Variants in XRN2 observed in about 807,000 individuals in gnomAD.
XRN2 encodes DHM1-like protein.
XRN2 carries 44 observed loss-of-function variants against 138.5 expected under a neutral mutation model. That is an observed-to-expected ratio of 0.32 (90% CI 0.25 to 0.41). The LOEUF is 0.41. Ranked by LOEUF, XRN2 falls within the 10% of genes least tolerant of loss-of-function variation. The pLI is 1.00. For synonymous variants in XRN2, 354 were observed against 369.4 expected, an observed-to-expected ratio of 0.96 and a Z score of 0.48; for missense variants, 937 against 1,169.3, an observed-to-expected ratio of 0.80 and a Z score of 2.90.
At chr20:21,375,931 C>T (rs374845648) in intron 27 of XRN2, among the ~76,000 whole-genome samples, 1 of 151,840 alleles carries the variant, frequency 6.6e-6, no homozygotes, top group Non-Finnish European at 1.5e-5. Flanking sequence ...CTCCGCCTCC[C>T]GGGTTCATGC....
At chr20:21,354,326 A>C (rs74436459) in intron 20 of XRN2, among the ~76,000 whole-genome samples, 2 of 152,170 alleles carry the variant, frequency 1.3e-5, no homozygotes, top group Non-Finnish European at 2.9e-5. Context: ...AGATCTATGC[A>C]TTTTGGTTGA....
chr20:21,320,314 T>TTTA (rs2038021556), intron 1 of XRN2, among the ~76,000 whole-genome samples: 1 of 151,870 alleles, frequency 6.6e-6, no homozygotes, highest in Non-Finnish European at 1.5e-5. Context: ...TATTTATTTA[T>TTTA]TTTGAGACGG....
Position 21,389,450 on chromosome 20 carries a change from T to A in XRN2, c.*112T>A, listed in dbSNP as rs2038966827. On this transcript the variant is annotated 3_prime_UTR_variant, in exon 30 of 30. Coordinates refer to ENST00000377191, the MANE Select transcript of XRN2 (RefSeq NM_012255.5). ...TAATAAAACTACAGTACTTTGTGTA[T>A]TTCTTTTAACTGTGTATATTTCTAC... 1.0e-6 allele frequency: 1 copy of A among 988,814 alleles called. No homozygotes were observed. Among genetic ancestry groups the A allele is most frequent in the African/African-American group, 1.6e-5 (1 of 60,942 alleles). The allele number at this position is 988,814 out of a possible 1,614,324, so 61.3% of individuals were successfully genotyped here.
At chr20:21,340,696 T>G in intron 14 of XRN2, 25 bp from the exon 15 acceptor site, 1 of 1,605,420 alleles carries the variant, frequency 6.2e-7, no homozygotes, top group Non-Finnish European at 8.5e-7. Context: ...AATTTTAATT[T>G]CTACATTCAT....
At chr20:21,372,080 T>G (rs1007935082) in intron 27 of XRN2, among the ~76,000 whole-genome samples, 13 of 152,250 alleles carry the variant, frequency 8.5e-5, no homozygotes, top group African/African-American at 2.9e-4. Context: ...TTTATTTCAG[T>G]TACGTCATGA....
chr20:21,385,033 A>T (rs763719930), intron 28 of XRN2, among the ~76,000 whole-genome samples: 1 of 152,198 alleles, frequency 6.6e-6, no homozygotes, highest in Non-Finnish European at 1.5e-5. Context: ...GATTTTTTTC[A>T]TAAAAATTAT....
chr20:21,303,615 C>G lies in XRN2; in HGVS notation c.75+142C>G, dbSNP rs1243897083. 4.4e-6 allele frequency: 6 copies of G among 1,369,886 alleles called. No individual in the cohort carries two copies. The African/African-American group carries it at 9.3e-5, about 21-fold the overall frequency. The allele number at this position is 1,369,886 out of a possible 1,614,324, so 84.9% of individuals were successfully genotyped here. A position where few individuals can be genotyped will look rare whatever the true frequency, so the allele number is the denominator to read the frequency against. On this transcript the variant is annotated intron_variant, in intron 1 of 29. Coordinates refer to ENST00000377191, the MANE Select transcript of XRN2 (RefSeq NM_012255.5). Reference sequence around the variant, plus strand: ...TGCCAGCCTCGCGAGCAGTCGCAGCCCCACACGCGATGGGACGCGGGCTGT... The same window carrying G: ...TGCCAGCCTCGCGAGCAGTCGCAGCGCCACACGCGATGGGACGCGGGCTGT...
chr20:21,328,376 G>A (rs1030492787), intron 3 of XRN2, among the ~76,000 whole-genome samples, 183 bp from the exon 4 acceptor site: 6 of 152,198 alleles, frequency 3.9e-5, no homozygotes, highest in African/African-American at 1.4e-4. Context: ...CAGCTTTTGG[G>A]TTCTCGGTCC....
intron 24 of XRN2, among the ~76,000 whole-genome samples, chr20:21,364,832 T>A (rs1462362757): frequency 1.3e-5 from 2 of 151,644 alleles, no homozygotes; most frequent in African/African-American, 4.8e-5. Flanking sequence ...CATATTTGTG[T>A]AGTTTTCAAA....
chr20:21,374,042 A>G (rs2038791180), intron 27 of XRN2, among the ~76,000 whole-genome samples: 1 of 152,210 alleles, frequency 6.6e-6, no homozygotes, highest in African/African-American at 2.4e-5. Flanking sequence ...AATCATCACA[A>G]TAAAAAATTC....
intron 1 of XRN2, among the ~76,000 whole-genome samples, chr20:21,314,387 G>A (rs2037928803): frequency 6.6e-6 from 1 of 152,200 alleles, no homozygotes; most frequent in African/African-American, 2.4e-5. Flanking sequence ...GAATAATGCT[G>A]TTTTAAACAT....
rs777363759 is a variant in XRN2 at position 21,348,210 on chromosome 20, G to A, written c.1730G>A (p.Gly577Asp). Residue 577 changes from glycine (G) to aspartate (D), a missense_variant, in exon 18 of 30, where the codon GGC (glycine) becomes GAC (aspartate). Gly to Asp is a moderately conservative substitution (Grantham distance 94). Around this residue, in one of 6 missense-constraint regions of XRN2, gnomAD observed 471 missense variants for 581.2 expected, o/e 0.81. Coordinates refer to ENST00000377191, the MANE Select transcript of XRN2 (RefSeq NM_012255.5). ...GCACCATTTGCTTCAGACTTTGAAG[G>A]CATTGCAGACATGCCATCTGATTTT... ...HYAPFASDFE[G>D]IADMPSDFEK... is the part of the protein sequence containing the mutation. The A allele has an allele frequency of 5.0e-6, 8 of 1,613,910 alleles. No individual in the cohort carries two copies. In the South Asian group the frequency reaches 8.8e-5, roughly 18 times the overall value.
intron 27 of XRN2, among the ~76,000 whole-genome samples, chr20:21,377,209 G>C (rs958278705): frequency 7.0e-6 from 1 of 143,720 alleles, no homozygotes; most frequent in Non-Finnish European, 1.5e-5. Flanking sequence ...AAGGAAATCT[G>C]ATATTTTCCT....
rs1262943884 is a variant in XRN2 at position 21,331,652 on chromosome 20, T to C, written c.649+19T>C. The C allele has an allele frequency of 8.7e-6, 14 of 1,606,042 alleles. No individual in the cohort carries two copies. The highest frequency in any genetic ancestry group is 1.2e-5 in the Non-Finnish European group (14 of 1,176,592). On this transcript the variant is annotated intron_variant, in intron 7 of 29. Coordinates refer to ENST00000377191, the MANE Select transcript of XRN2 (RefSeq NM_012255.5). ...CAAAGAGGTAAAGCTTACTTACCAA[T>C]ATTTGATTATATGTTCTATTTTTAA...
chr20:21,353,726 T>G (rs1044010588), intron 20 of XRN2, among the ~76,000 whole-genome samples: 12 of 151,840 alleles, frequency 7.9e-5, no homozygotes, highest in African/African-American at 2.7e-4. Context: ...GCCTGCAAGT[T>G]TGAGGCTGCA....
At chr20:21,348,666 G>C (rs1487039658) in intron 19 of XRN2, among the ~76,000 whole-genome samples, 1 of 152,124 alleles carries the variant, frequency 6.6e-6, no homozygotes, top group Non-Finnish European at 1.5e-5. Flanking sequence ...TTGTTTGTAA[G>C]ACGGAGTCTT....
chr20:21,386,176 C>T (rs760078923), intron 28 of XRN2, among the ~76,000 whole-genome samples: 2 of 152,192 alleles, frequency 1.3e-5, no homozygotes, highest in African/African-American at 4.8e-5. Flanking sequence ...TAGTAATCTG[C>T]GACAGCAAAC....
At chr20:21,332,242 A>T (rs1222569241) in intron 8 of XRN2, 41 bp from the exon 9 acceptor site, 1 of 1,590,996 alleles carries the variant, frequency 6.3e-7, no homozygotes, top group Non-Finnish European at 8.6e-7. Flanking sequence ...CTTCTCTCAG[A>T]ATACTCACTG....
intron 24 of XRN2, among the ~76,000 whole-genome samples, chr20:21,362,494 C>G (rs2038648633): frequency 6.6e-6 from 1 of 152,124 alleles, no homozygotes; most frequent in South Asian, 2.1e-4. Context: ...CGTTCCCATC[C>G]AAGATGTGTG....
Sources: gnomAD v4.1 joint callset for allele counts (sites outside exome capture counted in the v4.1 genomes callset) on GRCh38, gnomAD v4.1.1 for gene constraint, gnomAD v4.1.1 regional missense constraint, MANE v1.5 for transcripts, NCBI Gene and HGNC (gene_info 2026-07-23, HGNC 2026-07-21) for gene names.